PIEZO2: variants seen among roughly 807,000 people sequenced by gnomAD.
The protein encoded by PIEZO2 is piezo-type mechanosensitive ion channel component 2.
In PIEZO2, 172 loss-of-function variants were observed where a neutral mutation model predicts 337.3. The observed-to-expected ratio is 0.51, with a 90% CI of 0.45 to 0.58. PIEZO2 has a LOEUF of 0.58. PIEZO2 is among the 20% of genes least tolerant of loss of function. PIEZO2 has a pLI of 0.00. For synonymous variants in PIEZO2, 1,251 were observed against 1,228.5 expected, an observed-to-expected ratio of 1.02 and a Z score of -0.38; for missense variants, 3,028 against 3,391.3, an observed-to-expected ratio of 0.89 and a Z score of 2.66.
chr18:10,746,875 C>T lies in PIEZO2; in HGVS notation c.4424+1596G>A, dbSNP rs2037444658. Among the ~76,000 whole-genome samples, 1 of 152,104 alleles carries T rather than the reference C, an allele frequency of 6.6e-6. No individual in the cohort carries two copies. The highest frequency in any genetic ancestry group is 1.5e-5 in the Non-Finnish European group (1 of 68,026). ...TGAGTGTATACTGTTTATAGACCAC[C>T]TACTTTATGGTATTTTTGTTATGTC... On this transcript the variant is annotated intron_variant, in intron 30 of 55. Coordinates refer to ENST00000674853, the MANE Select transcript of PIEZO2 (RefSeq NM_001378183.1). This position sits in a 1 kb window ranked among gnomAD's most constrained non-coding sequence, Gnocchi z 4.2.
chr18:10,758,149 G>A lies in PIEZO2; in HGVS notation c.3758-15C>T, dbSNP rs142225176. On this transcript the variant is annotated splice_polypyrimidine_tract_variant and intron_variant, in intron 26 of 55. Transcript: ENST00000674853. ...CATGAAGTCATCTAACAAGACAGAG[G>A]TGAGATCATTAAGCCGCCTCATCCT... The A allele has an allele frequency of 2.6e-6, 4 of 1,536,066 alleles. No homozygotes were observed. The East Asian group carries it at 7.3e-5, about 28-fold the overall frequency.
chr18:10,825,766 G>A (rs2040656473), intron 7 of PIEZO2, among the ~76,000 whole-genome samples: 1 of 151,824 alleles, frequency 6.6e-6, no homozygotes, highest in African/African-American at 2.4e-5. Context: ...GGCCAGGCTA[G>A]TCTCGAACTC....
intron 28 of PIEZO2, among the ~76,000 whole-genome samples, chr18:10,751,394 G>C (rs1436531634): frequency 6.6e-6 from 1 of 152,172 alleles, no homozygotes; most frequent in Admixed American, 6.5e-5. Context: ...CCAGAGTTCT[G>C]TTGTCCTGTC....
rs1328963476 is a variant in PIEZO2, at chr18:10,861,053, C to A, written c.493-3842G>T. ...CAGAACTGCCATTAGTCACGTCAGG[C>A]TGGCTTATTAACAGGCAGGCTTTTT... On this transcript the variant is annotated intron_variant, in intron 5 of 55. Coordinates refer to ENST00000674853, the MANE Select transcript of PIEZO2 (RefSeq NM_001378183.1). The surrounding 1 kb of genome is among the most constrained non-coding windows in gnomAD (Gnocchi z 4.3). 2.0e-5 allele frequency among the ~76,000 whole-genome samples: 3 copies of A among 152,220 alleles called. No individual in the cohort carries two copies.
At position 10,774,172 on chromosome 18, in the gene PIEZO2, C is replaced by A. The variant is rs577081794; in HGVS notation, c.2535-134G>T. The stretch of plus-strand genomic sequence containing the variant: ...CCTGTATGCCTGTTGCAGTAACGCC[C>A]TAATGCCAAATGCATTCCAGGGTGG... On this transcript the variant is annotated intron_variant, in intron 18 of 55. Coordinates refer to ENST00000674853, the MANE Select transcript of PIEZO2 (RefSeq NM_001378183.1). 48 of 648,890 alleles carry A rather than the reference C, an allele frequency of 7.4e-5. No individual in the cohort carries two copies. The East Asian group carries it at 1.3e-3, about 17-fold the overall frequency. The allele number at this position is 648,890 out of a possible 1,614,324, so 40.2% of individuals were successfully genotyped here.
chr18:11,067,199 T>C (rs1361817157), intron 1 of PIEZO2, among the ~76,000 whole-genome samples: 1 of 152,152 alleles, frequency 6.6e-6, no homozygotes, highest in East Asian at 1.9e-4. Context: ...ATACAATGTA[T>C]ACTATTAGGT....
intron 1 of PIEZO2, among the ~76,000 whole-genome samples, chr18:11,117,712 A>T (rs752643251): frequency 3.3e-5 from 5 of 152,256 alleles, no homozygotes; most frequent in Non-Finnish European, 7.3e-5. Context: ...TATTTGAAAG[A>T]TCCAGCTAAC....
chr18:10,961,157 G>C (rs2033761288), intron 3 of PIEZO2, among the ~76,000 whole-genome samples: 1 of 151,522 alleles, frequency 6.6e-6, no homozygotes, highest in South Asian at 2.1e-4. Context: ...CTCCAGCCTG[G>C]GCAACAGAGC....
Position 10,715,683 on chromosome 18 carries a change from A to G in PIEZO2, c.5223T>C (p.Ile1741=). The change falls in exon 38 of 56, where the codon ATT becomes ATC. Residue 1741 remains isoleucine (I), a synonymous_variant. Transcript: ENST00000674853. ...EHIDISTVLR[I]ERCMLTREIK... The stretch of plus-strand genomic sequence containing the variant: ...TTTCTCTGGTCAGCATGCATCGTTC[A>G]ATTCTCAGAACTGTAGATATATCAA... 6.5e-7 allele frequency: 1 copy of G among 1,536,012 alleles called. No homozygotes were observed. The highest frequency in any genetic ancestry group is 8.7e-7 in the Non-Finnish European group (1 of 1,146,480).
intron 7 of PIEZO2, among the ~76,000 whole-genome samples, chr18:10,831,689 T>G (rs190877661): frequency 6.6e-6 from 1 of 152,184 alleles, no homozygotes; most frequent in Non-Finnish European, 1.5e-5. Context: ...ATGCTTGAGG[T>G]GATGGATACC....
At chr18:11,119,847 C>A (rs2039985148) in intron 1 of PIEZO2, among the ~76,000 whole-genome samples, 1 of 152,144 alleles carries the variant, frequency 6.6e-6, no homozygotes. Flanking sequence ...GAGTTTCGAA[C>A]AGTAAATAAA....
Position 10,677,576 on chromosome 18 carries a change from G to A in PIEZO2, c.8081+171C>T. 1 of 718,122 alleles carries A rather than the reference G, an allele frequency of 1.4e-6. No homozygotes were observed. Among genetic ancestry groups the A allele is most frequent in the Middle Eastern group, 4.1e-4 (1 of 2,432 alleles). The allele number at this position is 718,122 out of a possible 1,614,324, so 44.5% of individuals were successfully genotyped here. A position where few individuals can be genotyped will look rare whatever the true frequency, so the allele number is the denominator to read the frequency against. On this transcript the variant is annotated intron_variant, in intron 53 of 55. Transcript: ENST00000674853. The surrounding 1 kb of genome is among the most constrained non-coding windows in gnomAD (Gnocchi z 4.1). ...GGGACAGTGGACAGAAAACTCCATA[G>A]CTGAGATTAAGTTTCTTTAATCTTG...
Position 11,084,176 on chromosome 18 carries a change from C to CAAAA in PIEZO2, c.65-17958_65-17955dup, listed in dbSNP as rs1161713844. The stretch of plus-strand genomic sequence containing the variant: ...TGGGCAAAAGAGTGAAACTCTGTCT[C>CAAAA]AAAAAAAAAAAAAAAAAAAAAAAGA... On this transcript the variant is annotated intron_variant, in intron 1 of 55. Coordinates refer to ENST00000674853, the MANE Select transcript of PIEZO2 (RefSeq NM_001378183.1). 3.1e-3 allele frequency among the ~76,000 whole-genome samples: 203 copies of CAAAA among 64,638 alleles called. 2 individuals are homozygous for CAAAA. The highest frequency in any genetic ancestry group is 9.0e-3 in the African/African-American group (186 of 20,766). 42.4% of individuals were successfully genotyped at this position (64,638 alleles called of 152,430 possible).
chr18:10,993,287 C>T lies in PIEZO2; in HGVS notation c.161-13627G>A, dbSNP rs190464130. Among the ~76,000 whole-genome samples the T allele has an allele frequency of 1.3e-5, 2 of 151,708 alleles. No individual in the cohort carries two copies. The highest frequency in any genetic ancestry group is 2.9e-5 in the Non-Finnish European group (2 of 67,840). On this transcript the variant is annotated intron_variant, in intron 2 of 55. Coordinates refer to ENST00000674853, the MANE Select transcript of PIEZO2 (RefSeq NM_001378183.1). This position sits in a 1 kb window ranked among gnomAD's most constrained non-coding sequence, Gnocchi z 5.0. ...TTGAATAGGAGTGGTGAGAGAGTGC[C>T]GGTTTTCAAAGGGAATGCTTCCAGT...
chr18:10,758,269 T>C, intron 26 of PIEZO2, 135 bp from the exon 27 acceptor site: 2 of 1,070,338 alleles, frequency 1.9e-6, no homozygotes, highest in Non-Finnish European at 2.6e-6. Context: ...CATAGTAAAA[T>C]TCATCCTGGA....
chr18:10,777,396 G>T (rs1320993945), intron 18 of PIEZO2, among the ~76,000 whole-genome samples: 1 of 152,128 alleles, frequency 6.6e-6, no homozygotes, highest in Non-Finnish European at 1.5e-5. Context: ...TGGGTTCTGG[G>T]GACTTTCCCC....
intron 49 of PIEZO2, among the ~76,000 whole-genome samples, chr18:10,683,087 C>T (rs1227570051): frequency 2.0e-5 from 3 of 152,266 alleles, no homozygotes; most frequent in Non-Finnish European, 4.4e-5. Flanking sequence ...GACCTCCATC[C>T]TTTCAGGGTT....
At chr18:11,138,388 G>C (rs2040549143) in intron 1 of PIEZO2, among the ~76,000 whole-genome samples, 1 of 152,154 alleles carries the variant, frequency 6.6e-6, no homozygotes, top group Non-Finnish European at 1.5e-5. Context: ...CTCTGCCTCT[G>C]GGACTCAAGC....
chr18:10,991,751 G>A (rs2035113681), intron 2 of PIEZO2, among the ~76,000 whole-genome samples: 1 of 152,068 alleles, frequency 6.6e-6, no homozygotes, highest in African/African-American at 2.4e-5. Flanking sequence ...ACCTAGTAAT[G>A]GGATTGCTGG....
Sources: allele counts gnomAD v4.1 joint callset (sites outside exome capture counted in the v4.1 genomes callset), GRCh38; gene constraint gnomAD v4.1.1; non-coding constraint Gnocchi (gnomAD v3.1); transcripts MANE v1.5; gene names NCBI Gene and HGNC (gene_info 2026-07-23, HGNC 2026-07-21).